The following COLQ variants were observed in gnomAD, a reference collection of about 807,000 sequenced individuals.
COLQ encodes collagen like tail subunit of asymmetric acetylcholinesterase.
A neutral mutation model predicts 69.0 loss-of-function variants in COLQ; 48 were observed. That is an observed-to-expected ratio of 0.70 (90% CI 0.55 to 0.88). COLQ has a LOEUF of 0.88. COLQ is among the 40% of genes least tolerant of loss of function. COLQ has a pLI of 0.00. For missense variants in COLQ, 618 were observed against 594.6 expected (o/e 1.04, Z -0.41); for synonymous variants, 217 against 211.2 (o/e 1.03, Z -0.24).
intron 12 of COLQ, among the ~76,000 whole-genome samples, chr3:15,464,876 G>C (rs2062173625): frequency 6.6e-6 from 1 of 152,160 alleles, no homozygotes; most frequent in African/African-American, 2.4e-5. Context: ...AATTGAATGA[G>C]GTAAAAGAGG....
chr3:15,500,639 C>T (rs1452012521), intron 1 of COLQ, among the ~76,000 whole-genome samples: 3 of 152,160 alleles, frequency 2.0e-5, no homozygotes, highest in African/African-American at 7.2e-5. Flanking sequence ...CGAATATCTT[C>T]TGCCTCTTCT....
At position 15,464,648 on chromosome 3, in the gene COLQ, C is replaced by A. The variant is rs2062170193; in HGVS notation, c.814+1693G>T. ...GGTTGCAAATATAGTTCCATAAACACAGGAGGAGGGGGAATACACTGTGGA... is the reference window on the plus strand; with the variant it reads ...GGTTGCAAATATAGTTCCATAAACAAAGGAGGAGGGGGAATACACTGTGGA... On this transcript the variant is annotated intron_variant, in intron 12 of 16. Transcript: ENST00000383788. Among the ~76,000 whole-genome samples, 3 of 152,134 alleles carry A rather than the reference C, an allele frequency of 2.0e-5. No individual in the cohort carries two copies. In the South Asian group the frequency reaches 6.2e-4, roughly 31 times the overall value.
intron 15 of COLQ, 140 bp downstream of exon 15, chr3:15,455,759 G>T: frequency 9.5e-7 from 1 of 1,052,852 alleles, no homozygotes; most frequent in Non-Finnish European, 1.4e-6. Flanking sequence ...ACTGGGGTGG[G>T]TGGCACAAGG....
chr3:15,477,133 C>A lies in COLQ; in HGVS notation c.458G>T (p.Gly153Val). Residue 153 changes from glycine to valine, a missense_variant, in exon 6 of 17, where the codon GGA becomes GTA. By Grantham distance (109) the Gly-to-Val change is moderately radical (BLOSUM62 -3). Transcript: ENST00000383788. ...AGAGCATGCCACACTTACCCTGGGT[C>A]CTTCAGGGCCTGGCCAACCGATGGG... ...PGPIGWPGPE[G>V]PRGEKGDLGM... 6.2e-7 allele frequency: 1 copy of A among 1,601,358 alleles called. No individual in the cohort carries two copies. Among genetic ancestry groups the A allele is most frequent in the Non-Finnish European group, 8.5e-7 (1 of 1,174,318 alleles).
rs541202497 is a variant in COLQ, at chr3:15,451,153, T to C, written c.*491A>G. 2.4e-5 allele frequency: 4 copies of C among 165,930 alleles called. No homozygotes were observed. Among genetic ancestry groups the C allele is most frequent in the African/African-American group, 7.1e-5 (3 of 42,028 alleles). 10.3% of individuals were successfully genotyped at this position (165,930 alleles called of 1,614,324 possible). A position where few individuals can be genotyped will look rare whatever the true frequency, so the allele number is the denominator to read the frequency against. ...CGAGAGAACGTGCCCACTTCCCTGC[T>C]TTGTGGTTCATAGGCCTAGAGAGAC... On this transcript the variant is annotated 3_prime_UTR_variant, in exon 17 of 17. Transcript: ENST00000383788.
In COLQ at chr3:15,475,625, T is replaced by A. The variant is rs1200758933; in HGVS notation, c.466-138A>T. On this transcript the variant is annotated intron_variant, in intron 6 of 16. Coordinates refer to ENST00000383788, the MANE Select transcript of COLQ (RefSeq NM_005677.4). ...ATCTGAGGACCCCAGATGCACCCAC[T>A]TTCTCCCTCCTGAGGTCCCAAAACT... is the stretch of plus-strand genomic sequence containing the variant. The A allele has an allele frequency of 4.0e-6, 3 of 754,736 alleles. No homozygotes were observed. In the East Asian group the frequency reaches 8.0e-5, roughly 20 times the overall value. The allele number at this position is 754,736 out of a possible 1,614,324, so 46.8% of individuals were successfully genotyped here.
intron 10 of COLQ, among the ~76,000 whole-genome samples, chr3:15,471,072 G>T (rs75363835): frequency 3.3e-5 from 5 of 152,308 alleles, no homozygotes; most frequent in Admixed American, 3.3e-4. Context: ...GTTTTTAAAT[G>T]ATTGGACACT....
chr3:15,494,056 G>A (rs2062710208), intron 1 of COLQ, among the ~76,000 whole-genome samples: 1 of 152,202 alleles, frequency 6.6e-6, no homozygotes, highest in South Asian at 2.1e-4. Context: ...GCACTGAAGA[G>A]GAAGCTCTTA....
At chr3:15,477,221 C>T (rs1197330661) in intron 5 of COLQ, 24 bp from the exon 6 acceptor site, 1 of 1,590,778 alleles carries the variant, frequency 6.3e-7, no homozygotes, top group Admixed American at 1.8e-5. Flanking sequence ...GAACAAAAGT[C>T]AGGGCAACTG....
At chr3:15,492,230 T>C (rs2062679024) in intron 1 of COLQ, among the ~76,000 whole-genome samples, 1 of 152,206 alleles carries the variant, frequency 6.6e-6, no homozygotes, top group Admixed American at 6.5e-5. Flanking sequence ...AGTCTCATGC[T>C]ACAAGGAATG....
rs1475684373 is a variant in COLQ at position 15,456,034 on chromosome 3, A to G, written c.1075-15T>C. On this transcript the variant is annotated splice_polypyrimidine_tract_variant and intron_variant, in intron 14 of 16. Transcript: ENST00000383788. ...AAAGGGGTCAGCTGGCCAAAGAAGC[A>G]CACAGCATTAACTGGAGCATGGCAT... is the stretch of plus-strand genomic sequence containing the variant. 3 of 1,613,898 alleles carry G rather than the reference A, an allele frequency of 1.9e-6. No homozygotes were observed. In the South Asian group the frequency reaches 3.3e-5, roughly 18 times the overall value.
chr3:15,471,925 C>T (rs948295358), intron 10 of COLQ, among the ~76,000 whole-genome samples: 2 of 150,648 alleles, frequency 1.3e-5, no homozygotes, highest in South Asian at 2.1e-4. Flanking sequence ...TAGAGAGGCT[C>T]GGGGATGTCT....
At chr3:15,517,364 A>G (rs1435371387) in intron 1 of COLQ, among the ~76,000 whole-genome samples, 1 of 152,168 alleles carries the variant, frequency 6.6e-6, no homozygotes, top group Non-Finnish European at 1.5e-5. Flanking sequence ...CTGAGCTGCC[A>G]TTTCCTCATC....
intron 3 of COLQ, 32 bp downstream of exon 3, chr3:15,488,174 A>C: frequency 1.3e-6 from 2 of 1,502,704 alleles, no homozygotes; most frequent in Non-Finnish European, 1.8e-6. Flanking sequence ...TAAACAGAAG[A>C]CAGCGAGAGG....
At chr3:15,472,733 C>A (rs2062308995) in intron 10 of COLQ, among the ~76,000 whole-genome samples, 1 of 152,208 alleles carries the variant, frequency 6.6e-6, no homozygotes, top group South Asian at 2.1e-4. Context: ...GTAAAAGTTT[C>A]AAAACATATG....
chr3:15,453,864 G>C lies in COLQ; in HGVS notation c.1263C>G (p.Asp421Glu). ...HEGVEDCDGS[D>E]FGYLTCETYL... ...AGGTCTCGCATGTCAGGTAGCCAAA[G>C]TCAGAGCCGTCACAGTCCTCCACAC... The change falls in exon 16 of 17, where the codon GAC (aspartate) becomes GAG (glutamate). Residue 421 changes from aspartate to glutamate, a missense_variant. Physicochemically the swap from Asp to Glu is conservative, Grantham distance 45. Coordinates refer to ENST00000383788, the MANE Select transcript of COLQ (RefSeq NM_005677.4). 1 of 1,612,232 alleles carries C rather than the reference G, an allele frequency of 6.2e-7. No individual in the cohort carries two copies. The highest frequency in any genetic ancestry group is 8.5e-7 in the Non-Finnish European group (1 of 1,179,136).
At chr3:15,453,567 G>A (rs1363416019) in intron 16 of COLQ, among the ~76,000 whole-genome samples, 1 of 152,188 alleles carries the variant, frequency 6.6e-6, no homozygotes, top group Non-Finnish European at 1.5e-5. Context: ...TGAGCTCAGA[G>A]ACCGCAGCTC....
intron 11 of COLQ, among the ~76,000 whole-genome samples, chr3:15,468,953 A>G (rs1401280279): frequency 6.6e-6 from 1 of 152,220 alleles, no homozygotes; most frequent in Non-Finnish European, 1.5e-5. Context: ...TGACTTAACA[A>G]TAACTTTCAG....
chr3:15,458,080 C>G (rs551641780), intron 13 of COLQ, 106 bp downstream of exon 13: 5 of 1,257,466 alleles, frequency 4.0e-6, no homozygotes, highest in Non-Finnish European at 5.8e-6. Flanking sequence ...TACTCAGAGT[C>G]GTGAAAAAAA....
Sources: gnomAD v4.1 joint callset for allele counts (sites outside exome capture counted in the v4.1 genomes callset) on GRCh38, gnomAD v4.1.1 for gene constraint, MANE v1.5 for transcripts, NCBI Gene and HGNC (gene_info 2026-07-23, HGNC 2026-07-21) for gene names.